DAP: variants seen among roughly 807,000 people sequenced by gnomAD.
DAP encodes death-associated protein 1.
Under a neutral mutation model 13.8 loss-of-function variants are expected in DAP, and 8 were observed. The ratio of observed to expected loss-of-function variants is 0.58; its 90% CI spans 0.34 to 1.05. DAP has a LOEUF of 1.05. Among genes scored for constraint, DAP ranks in the 50% least tolerant of loss-of-function variants. The pLI, the probability that DAP is intolerant of heterozygous loss-of-function variation, is 0.03. For missense variants in DAP, 106 were observed against 133.2 expected (o/e 0.80, Z 1.01); for synonymous variants, 47 against 47.5 (o/e 0.99, Z 0.04).
chr5:10,686,046 G>A (rs1397510711), intron 2 of DAP, among the ~76,000 whole-genome samples: 1 of 152,186 alleles, frequency 6.6e-6, no homozygotes, highest in Non-Finnish European at 1.5e-5. Context: ...GTCTATGGGT[G>A]TCCATCTTCA....
chr5:10,754,866 A>G (rs1322970152), intron 1 of DAP, among the ~76,000 whole-genome samples: 1 of 152,174 alleles, frequency 6.6e-6, no homozygotes, highest in Non-Finnish European at 1.5e-5. Context: ...GTCCTGCCCA[A>G]TAGTATGGGG....
In DAP at chr5:10,680,856, C is replaced by G. The variant is rs752513493; in HGVS notation, c.*200G>C. The G allele has an allele frequency of 7.8e-6, 12 of 1,536,812 alleles. No homozygotes were observed. On this transcript the variant is annotated 3_prime_UTR_variant, in exon 4 of 4. Coordinates refer to ENST00000230895, the MANE Select transcript of DAP (RefSeq NM_004394.3). ...CAATGATCCTCAAATGACATCCAACCAGACTCCCCATAAACAAGGTTTGGG... is the reference window on the plus strand; with the variant it reads ...CAATGATCCTCAAATGACATCCAACGAGACTCCCCATAAACAAGGTTTGGG...
intron 2 of DAP, among the ~76,000 whole-genome samples, chr5:10,747,370 G>GTCTCCTTGCAGTCTCC (rs1382598611): frequency 6.6e-6 from 1 of 152,210 alleles, no homozygotes; most frequent in Non-Finnish European, 1.5e-5. Context: ...GGGAGGAGGG[G>GTCTCCTTGCAGTCTCC]TCTGCAAGGA....
intron 2 of DAP, among the ~76,000 whole-genome samples, chr5:10,702,972 C>T (rs1258254869): frequency 1.3e-5 from 2 of 152,232 alleles, no homozygotes; most frequent in Non-Finnish European, 2.9e-5. Flanking sequence ...TGCCTTGCCT[C>T]CTCAGCCAGA....
chr5:10,686,127 C>T (rs1738149615), intron 2 of DAP, among the ~76,000 whole-genome samples: 2 of 152,180 alleles, frequency 1.3e-5, no homozygotes, highest in African/African-American at 4.8e-5. Context: ...TGTTTTGGGG[C>T]ACCACGAACC....
Position 10,726,563 on chromosome 5 carries a change from G to GCCGGCC in DAP, c.152+21606_152+21611dup, listed in dbSNP as rs542222819. Among the ~76,000 whole-genome samples the GCCGGCC allele has an allele frequency of 8.1e-3, 1,227 of 152,338 alleles. 35 individuals carry two copies. Among genetic ancestry groups the GCCGGCC allele is most frequent in the Admixed American group, 0.062 (954 of 15,298 alleles). On this transcript the variant is annotated intron_variant, in intron 2 of 3. Coordinates refer to ENST00000230895, the MANE Select transcript of DAP (RefSeq NM_004394.3). ...GAGGCAGAGGTGTGACGGTGAAGGT[G>GCCGGCC]CCGGCCCCGGCCCAGGAGGCGGGGT...
intron 2 of DAP, among the ~76,000 whole-genome samples, chr5:10,722,595 CATATATAT>C (rs769043637): frequency 7.0e-6 from 1 of 142,854 alleles, no homozygotes; most frequent in Non-Finnish European, 1.5e-5. Flanking sequence ...TACATATATA[CATATATAT>C]ACATATATAC....
intron 1 of DAP, among the ~76,000 whole-genome samples, chr5:10,752,628 C>T (rs1391140935): frequency 6.6e-6 from 1 of 151,042 alleles, no homozygotes; most frequent in African/African-American, 2.4e-5. Context: ...GGATCAAATC[C>T]CAGTTCTGCC....
At chr5:10,728,581 G>C (rs978067022) in intron 2 of DAP, among the ~76,000 whole-genome samples, 3 of 152,200 alleles carry the variant, frequency 2.0e-5, no homozygotes, top group Non-Finnish European at 4.4e-5. Flanking sequence ...TAATTTTACT[G>C]ATTTGTTAAT....
chr5:10,732,755 A>C (rs1383152891), intron 2 of DAP, among the ~76,000 whole-genome samples: 2 of 152,244 alleles, frequency 1.3e-5, no homozygotes, highest in Non-Finnish European at 2.9e-5. Context: ...ACTGCTTACC[A>C]CAGCAGCAAG....
intron 2 of DAP, among the ~76,000 whole-genome samples, chr5:10,685,236 T>C (rs1195759887): frequency 2.0e-5 from 3 of 152,286 alleles, no homozygotes; most frequent in Non-Finnish European, 4.4e-5. Context: ...ACCTTGGTTT[T>C]ATTTAGTGTT....
rs1034000067 is a variant in DAP at position 10,702,961 on chromosome 5, A to T, written c.153-19390T>A. Among the ~76,000 whole-genome samples, 15 of 152,232 alleles carry T rather than the reference A, an allele frequency of 9.9e-5. 1 individual carries two copies. The highest frequency in any genetic ancestry group is 9.2e-4 in the Admixed American group (14 of 15,286). On this transcript the variant is annotated intron_variant, in intron 2 of 3. Transcript: ENST00000230895. ...TTACCCTGAGCATAAACGATCTGGC[A>T]TGCCTTGCCTCCTCAGCCAGAGTCT...
At chr5:10,704,964 A>G (rs190282413) in intron 2 of DAP, among the ~76,000 whole-genome samples, 24 of 152,290 alleles carry the variant, frequency 1.6e-4, no homozygotes, top group Admixed American at 1.3e-3. Flanking sequence ...CACCTGTCGG[A>G]TGCACAACCT....
At chr5:10,686,999 T>C (rs1347719143) in intron 2 of DAP, among the ~76,000 whole-genome samples, 2 of 152,176 alleles carry the variant, frequency 1.3e-5, no homozygotes, top group Admixed American at 6.5e-5. Context: ...CAATGCTCAT[T>C]TACCATTCCA....
intron 2 of DAP, among the ~76,000 whole-genome samples, chr5:10,725,974 T>C (rs1248450124): frequency 6.6e-6 from 1 of 152,254 alleles, no homozygotes; most frequent in Non-Finnish European, 1.5e-5. Context: ...TGCTGTTATT[T>C]GGCTATTAGA....
intron 1 of DAP, among the ~76,000 whole-genome samples, chr5:10,755,339 C>A (rs1740155492): frequency 6.6e-6 from 1 of 152,166 alleles, no homozygotes; most frequent in African/African-American, 2.4e-5. Context: ...TTGATTTTAG[C>A]CCAGTGAGAC....
At chr5:10,705,704 A>G (rs900285783) in intron 2 of DAP, among the ~76,000 whole-genome samples, 1 of 152,238 alleles carries the variant, frequency 6.6e-6, no homozygotes, top group Non-Finnish European at 1.5e-5. Flanking sequence ...CCTACTCAGT[A>G]TCATCTTTCA....
chr5:10,715,021 T>C (rs1251104346), intron 2 of DAP, among the ~76,000 whole-genome samples: 1 of 152,162 alleles, frequency 6.6e-6, no homozygotes, highest in Non-Finnish European at 1.5e-5. Flanking sequence ...TGCACTGCTA[T>C]AGGGCAAAAA....
intron 1 of DAP, among the ~76,000 whole-genome samples, chr5:10,753,670 G>A (rs990264317): frequency 1.1e-4 from 16 of 152,188 alleles, no homozygotes; most frequent in African/African-American, 3.9e-4. Context: ...ATGCTACTGC[G>A]GGAAGAAGAA....
Sources: allele counts gnomAD v4.1 joint callset (sites outside exome capture counted in the v4.1 genomes callset), GRCh38; gene constraint gnomAD v4.1.1; transcripts MANE v1.5; gene names NCBI Gene and HGNC (gene_info 2026-07-23, HGNC 2026-07-21).